Variants in DLC1 observed in about 807,000 individuals in gnomAD.
The protein encoded by DLC1 is rho GTPase-activating protein 7.
DLC1 carries 54 observed loss-of-function variants against 140.3 expected under a neutral mutation model. That is an observed-to-expected ratio of 0.38 (90% CI 0.31 to 0.48). The LOEUF is 0.48. DLC1 is among the 20% of genes least tolerant of loss of function. The pLI is 0.96. For synonymous variants in DLC1, 986 were observed against 728.1 expected, an observed-to-expected ratio of 1.35 and a Z score of -5.70; for missense variants, 2,536 against 1,907.0, an observed-to-expected ratio of 1.33 and a Z score of -6.14.
At chr8:13,321,979 C>T (rs1256879594) in intron 4 of DLC1, among the ~76,000 whole-genome samples, 1 of 152,078 alleles carries the variant, frequency 6.6e-6, no homozygotes, top group Non-Finnish European at 1.5e-5. Context: ...GCTGCATTTT[C>T]ATAGATCCTC....
intron 2 of DLC1, among the ~76,000 whole-genome samples, chr8:13,470,855 AGT>A (rs1294092593): frequency 4.6e-5 from 7 of 152,204 alleles, no homozygotes; most frequent in Admixed American, 1.3e-4. Context: ...ACAGTAGCCA[AGT>A]GACACCTAAG....
rs1256802752 is a variant in DLC1 at position 13,219,079 on chromosome 8, T to TACG, written c.1348+86189_1348+86190insCGT. Among the ~76,000 whole-genome samples, 93 of 113,604 alleles carry TACG rather than the reference T, an allele frequency of 8.2e-4. 2 individuals are homozygous for TACG. The highest frequency in any genetic ancestry group is 2.5e-3 in the African/African-American group (64 of 25,472). The allele number at this position is 113,604 out of a possible 152,430, so 74.5% of individuals were successfully genotyped here. ...ATATAATTACGTGAATATAATTATA[T>TACG]AATTATATGTGAATGTAATTATATA... is the stretch of plus-strand genomic sequence containing the variant. On this transcript the variant is annotated intron_variant, in intron 5 of 17. Transcript: ENST00000276297.
chr8:13,170,311 A>G (rs1825373007), intron 5 of DLC1, among the ~76,000 whole-genome samples: 1 of 152,244 alleles, frequency 6.6e-6, no homozygotes, highest in Non-Finnish European at 1.5e-5. Flanking sequence ...ATGCAGTCAC[A>G]ATCATTGAGA....
intron 5 of DLC1, among the ~76,000 whole-genome samples, chr8:13,164,990 A>C (rs1825004569): frequency 6.6e-6 from 1 of 152,186 alleles, no homozygotes. Context: ...ATATCAGTGA[A>C]GAAATTGTCA....
intron 1 of DLC1, among the ~76,000 whole-genome samples, chr8:13,579,355 A>ATT (rs1245395352): frequency 3.9e-5 from 1 of 25,320 alleles, no homozygotes; most frequent in African/African-American, 1.9e-4. Context: ...ATATATATAT[A>ATT]TATATATTTT....
At chr8:13,198,180 G>T (rs755335042) in intron 5 of DLC1, among the ~76,000 whole-genome samples, 1 of 152,156 alleles carries the variant, frequency 6.6e-6, no homozygotes, top group South Asian at 2.1e-4. Flanking sequence ...AGAAAGTGAC[G>T]ATCACAAGTG....
At chr8:13,303,851 G>C (rs551344378) in intron 5 of DLC1, among the ~76,000 whole-genome samples, 1 of 152,276 alleles carries the variant, frequency 6.6e-6, no homozygotes, top group East Asian at 1.9e-4. Flanking sequence ...TGAGAAGCTT[G>C]ACAGAATGAA....
At chr8:13,114,245 C>T (rs1820355138) in intron 6 of DLC1, among the ~76,000 whole-genome samples, 1 of 152,158 alleles carries the variant, frequency 6.6e-6, no homozygotes, top group Admixed American at 6.5e-5. Context: ...GCCCATAATC[C>T]CAGCTACTCA....
intron 5 of DLC1, among the ~76,000 whole-genome samples, chr8:13,192,073 A>T (rs1196093252): frequency 3.3e-5 from 5 of 151,528 alleles, no homozygotes; most frequent in African/African-American, 1.2e-4. Context: ...TCCCAAGTAG[A>T]CTAGCTGGGA....
chr8:13,260,937 A>G (rs1830448402), intron 5 of DLC1, among the ~76,000 whole-genome samples: 1 of 152,196 alleles, frequency 6.6e-6, no homozygotes. Context: ...TTTACCATAT[A>G]ATGTTAATAT....
At position 13,424,836 on chromosome 8, in the gene DLC1, G is replaced by C. The variant is rs147261721; in HGVS notation, c.1024-23217C>G. ...GATCTGCCTGCCTCGGCCTCCCAAA[G>C]TGCTGGGATTACAGGCATGACAAAA... On this transcript the variant is annotated intron_variant, in intron 2 of 17. Coordinates refer to ENST00000276297, the MANE Select transcript of DLC1 (RefSeq NM_182643.3). Among the ~76,000 whole-genome samples, 25 of 152,222 alleles carry C rather than the reference G, an allele frequency of 1.6e-4. No homozygotes were observed. The East Asian group carries it at 4.9e-3, about 30-fold the overall frequency.
intron 5 of DLC1, among the ~76,000 whole-genome samples, chr8:13,255,162 G>T (rs1342103282): frequency 6.6e-6 from 1 of 151,960 alleles, no homozygotes; most frequent in African/African-American, 2.4e-5. Flanking sequence ...GTAGAGATGG[G>T]TTTCTGCCAT....
intron 4 of DLC1, among the ~76,000 whole-genome samples, chr8:13,331,738 T>G (rs940021510): frequency 6.6e-6 from 1 of 152,194 alleles, no homozygotes; most frequent in African/African-American, 2.4e-5. Context: ...CTCAATATTT[T>G]CTACTTTCTG....
intron 5 of DLC1, among the ~76,000 whole-genome samples, chr8:13,238,030 C>G (rs1829371627): frequency 6.6e-6 from 1 of 152,120 alleles, no homozygotes. Context: ...AGTAAATTAA[C>G]AAATATTGGT....
intron 2 of DLC1, among the ~76,000 whole-genome samples, chr8:13,436,380 A>G (rs1839123495): frequency 1.3e-5 from 2 of 152,254 alleles, no homozygotes; most frequent in Non-Finnish European, 2.9e-5. Context: ...ATCAAATTTT[A>G]CTGTCCAGTA....
intron 2 of DLC1, among the ~76,000 whole-genome samples, chr8:13,438,722 T>C (rs1055426850): frequency 1.1e-4 from 17 of 152,324 alleles, no homozygotes; most frequent in African/African-American, 4.1e-4. Context: ...CCCAATTTTT[T>C]GAGTTGTCTC....
At chr8:13,316,639 A>G (rs1832870777) in intron 4 of DLC1, among the ~76,000 whole-genome samples, 1 of 152,000 alleles carries the variant, frequency 6.6e-6, no homozygotes, top group South Asian at 2.1e-4. Context: ...TCTGGATCCC[A>G]CTCGGCACGA....
At chr8:13,304,376 A>T (rs1464905937) in intron 5 of DLC1, among the ~76,000 whole-genome samples, 1 of 152,218 alleles carries the variant, frequency 6.6e-6, no homozygotes, top group Non-Finnish European at 1.5e-5. Flanking sequence ...CAGCCTAAAC[A>T]TGAGAGAAAA....
intron 4 of DLC1, among the ~76,000 whole-genome samples, chr8:13,336,418 A>G (rs571911981): frequency 6.6e-6 from 1 of 152,216 alleles, no homozygotes; most frequent in African/African-American, 2.4e-5. Context: ...ATTCCAGGAG[A>G]AAGTTTTTAA....
Sources: gnomAD v4.1 joint callset for allele counts (sites outside exome capture counted in the v4.1 genomes callset) on GRCh38, gnomAD v4.1.1 for gene constraint, MANE v1.5 for transcripts, NCBI Gene and HGNC (gene_info 2026-07-23, HGNC 2026-07-21) for gene names.